PGCKA1: variants seen among roughly 807,000 people sequenced by gnomAD.
PGCKA1 encodes the protein PDCD10 and GCKIII kinases associated 1.
At chr4:37,584,004 A>G in the PGCKA1 span, among the ~76,000 whole-genome samples, 2 of 152,068 alleles carry the variant, frequency 1.3e-5, no homozygotes, top group Non-Finnish European at 2.9e-5. Flanking sequence ...AAAAGAGCAT[A>G]TTTTTTTCAT....
chr4:37,511,328 A>G, the PGCKA1 span, among the ~76,000 whole-genome samples: 2 of 152,070 alleles, frequency 1.3e-5, no homozygotes, highest in African/African-American at 4.8e-5. Flanking sequence ...TGATACCAGT[A>G]TGTCTGAGTC....
At chr4:37,492,349 T>C in the PGCKA1 span, among the ~76,000 whole-genome samples, 1 of 152,212 alleles carries the variant, frequency 6.6e-6, no homozygotes, top group Admixed American at 6.5e-5. The surrounding 1 kb of genome is among the most constrained non-coding windows in gnomAD (Gnocchi z 4.7). Flanking sequence ...ATTCTGAACA[T>C]CTTCTGAGAC....
At chr4:37,528,446 T>A in the PGCKA1 span, among the ~76,000 whole-genome samples, 10 of 152,178 alleles carry the variant, frequency 6.6e-5, 1 homozygote, top group Non-Finnish European at 1.2e-4. Context: ...TGCATAACTG[T>A]GTGAAGTTCT....
At chr4:37,582,991 C>T in the PGCKA1 span, among the ~76,000 whole-genome samples, 1 of 152,122 alleles carries the variant, frequency 6.6e-6, no homozygotes, top group African/African-American at 2.4e-5. Context: ...CAGTATTTCT[C>T]GTATGTTTGT....
chr4:37,456,990 T>C, the PGCKA1 span, among the ~76,000 whole-genome samples: 7 of 152,240 alleles, frequency 4.6e-5, no homozygotes, highest in African/African-American at 1.7e-4. Context: ...TCAAAATACA[T>C]TTTCTCTAGG....
the PGCKA1 span, chr4:37,454,120 A>C: frequency 5.9e-5 from 9 of 152,884 alleles, no homozygotes; most frequent in African/African-American, 2.2e-4. Context: ...GCTTTCCCCC[A>C]CTTCTCTCCG....
At chr4:37,538,523 A>C in the PGCKA1 span, among the ~76,000 whole-genome samples, 2 of 152,214 alleles carry the variant, frequency 1.3e-5, no homozygotes, top group African/African-American at 4.8e-5. Context: ...AAGAGAGAGA[A>C]CATGATGAAC....
chr4:37,467,761 A>G, the PGCKA1 span, among the ~76,000 whole-genome samples: 1 of 152,232 alleles, frequency 6.6e-6, no homozygotes, highest in African/African-American at 2.4e-5. Context: ...CCTCATAAAT[A>G]AATATGTCTT....
the PGCKA1 span, among the ~76,000 whole-genome samples, chr4:37,493,572 T>G: frequency 6.6e-6 from 1 of 152,222 alleles, no homozygotes. Context: ...TATATTTCAT[T>G]TATAAAATGG....
chr4:37,552,716 A>G, the PGCKA1 span, among the ~76,000 whole-genome samples: 10 of 151,902 alleles, frequency 6.6e-5, no homozygotes, highest in African/African-American at 2.4e-4. Context: ...GAAAGGGTAA[A>G]CTCTTAGCAA....
At chr4:37,590,241 G>A in the PGCKA1 span, 4 of 1,614,118 alleles carry the variant, frequency 2.5e-6, no homozygotes, top group Non-Finnish European at 3.4e-6. Context: ...AGGGCTCAAA[G>A]AAGACTGAGA....
chr4:37,590,915 T>C, the PGCKA1 span: 1 of 1,614,118 alleles, frequency 6.2e-7, no homozygotes, highest in Non-Finnish European at 8.5e-7. Context: ...GATGGGGAGA[T>C]TGTGGACGAG....
the PGCKA1 span, among the ~76,000 whole-genome samples, chr4:37,485,262 C>G: frequency 6.6e-6 from 1 of 152,164 alleles, no homozygotes; most frequent in Non-Finnish European, 1.5e-5. Context: ...CCCCAAAGTT[C>G]ATGAGTTAGA....
At chr4:37,572,312 C>G in the PGCKA1 span, among the ~76,000 whole-genome samples, 2 of 151,914 alleles carry the variant, frequency 1.3e-5, no homozygotes, top group Admixed American at 6.5e-5. Flanking sequence ...GTGATCCGCC[C>G]GCCTCGGCCT....
the PGCKA1 span, among the ~76,000 whole-genome samples, chr4:37,497,989 TTGTCTAGACAA>T: frequency 1.3e-5 from 2 of 152,108 alleles, no homozygotes; most frequent in African/African-American, 4.8e-5. Context: ...TGTCTAGACA[TTGTCTAGACAA>T]TGTCTAGAAT....
At chr4:37,528,018 T>G in the PGCKA1 span, among the ~76,000 whole-genome samples, 1 of 152,288 alleles carries the variant, frequency 6.6e-6, no homozygotes, top group South Asian at 2.1e-4. Flanking sequence ...GTTGCCTTTC[T>G]CAGAATGTGT....
At chr4:37,491,687 G>A in the PGCKA1 span, among the ~76,000 whole-genome samples, 1 of 152,016 alleles carries the variant, frequency 6.6e-6, no homozygotes, top group Non-Finnish European at 1.5e-5. Flanking sequence ...GGCACTCAGT[G>A]GTCCTTTGAA....
chr4:37,592,259 G>A, the PGCKA1 span, among the ~76,000 whole-genome samples: 1 of 143,686 alleles, frequency 7.0e-6, no homozygotes, highest in Non-Finnish European at 1.5e-5. Context: ...GCTCATGTCT[G>A]TAATCTGAGC....
chr4:37,564,915 AGTGCCCT>A, the PGCKA1 span, among the ~76,000 whole-genome samples: 1 of 152,080 alleles, frequency 6.6e-6, no homozygotes, highest in Non-Finnish European at 1.5e-5. Context: ...CTCATGACCC[AGTGCCCT>A]GTGCTCCTAT....
Sources: allele counts gnomAD v4.1 joint callset (sites outside exome capture counted in the v4.1 genomes callset), GRCh38; gene constraint gnomAD v4.1.1; non-coding constraint Gnocchi (gnomAD v3.1); transcripts MANE v1.5; gene names NCBI Gene and HGNC (gene_info 2026-07-23, HGNC 2026-07-21).